ANGPT1: variants seen among roughly 807,000 people sequenced by gnomAD.
ANGPT1 encodes angiopoietin 1.
In ANGPT1, 17 loss-of-function variants were observed where a neutral mutation model predicts 62.2. The ratio of observed to expected loss-of-function variants is 0.27; its 90% confidence interval spans 0.19 to 0.41. ANGPT1 has a LOEUF of 0.41. ANGPT1 is among the 10% of genes least tolerant of loss of function. The probability of loss-of-function intolerance (pLI) is 1.00; values close to 1 mark genes in which losing one functional copy is unlikely to be tolerated. For synonymous variants in ANGPT1, 199 were observed against 198.9 expected, an observed-to-expected ratio of 1.00 and a Z score of 0.00; for missense variants, 478 against 594.9, an observed-to-expected ratio of 0.80 and a Z score of 2.04.
intron 3 of ANGPT1, among the ~76,000 whole-genome samples, chr8:107,328,133 TC>T (rs1213908720): frequency 3.3e-5 from 5 of 152,100 alleles, no homozygotes; most frequent in African/African-American, 1.2e-4. Context: ...TATAGAAACC[TC>T]ATTTTTATCT....
chr8:107,410,002 A>C (rs1817233386), intron 1 of ANGPT1, among the ~76,000 whole-genome samples: 1 of 152,016 alleles, frequency 6.6e-6, no homozygotes, highest in South Asian at 2.1e-4. Flanking sequence ...TCCAAGATTT[A>C]TTGAGCCAGA....
intron 1 of ANGPT1, among the ~76,000 whole-genome samples, chr8:107,479,399 T>G (rs1370055329): frequency 6.6e-6 from 1 of 152,184 alleles, no homozygotes; most frequent in Non-Finnish European, 1.5e-5. Context: ...TCAACCAATA[T>G]GTAATGTAAT....
At chr8:107,376,492 T>A (rs1303624637) in intron 1 of ANGPT1, among the ~76,000 whole-genome samples, 6 of 152,168 alleles carry the variant, frequency 3.9e-5, no homozygotes, top group Admixed American at 2.0e-4. Flanking sequence ...AAAGAACAGA[T>A]CTTACAAAGG....
intron 6 of ANGPT1, among the ~76,000 whole-genome samples, chr8:107,285,288 A>T (rs917887377): frequency 7.9e-5 from 12 of 152,186 alleles, no homozygotes; most frequent in Admixed American, 4.6e-4. Context: ...TATTATTCAC[A>T]AATGCAATTA....
intron 7 of ANGPT1, among the ~76,000 whole-genome samples, chr8:107,275,067 G>A (rs961528994): frequency 6.6e-6 from 1 of 152,078 alleles, no homozygotes; most frequent in Non-Finnish European, 1.5e-5. Context: ...TAGGCAAAGT[G>A]AATAAAATCT....
intron 1 of ANGPT1, among the ~76,000 whole-genome samples, chr8:107,361,546 AATATATGTATATATTATATAT>A (rs1816164442): frequency 3.7e-5 from 1 of 27,132 alleles, no homozygotes; most frequent in Non-Finnish European, 9.0e-5. Flanking sequence ...ATCAATATAG[AATATATGTATATATTATATAT>A]CAATATAGAA....
At chr8:107,268,717 A>G (rs1298645756) in intron 7 of ANGPT1, among the ~76,000 whole-genome samples, 1 of 152,104 alleles carries the variant, frequency 6.6e-6, no homozygotes, top group Admixed American at 6.6e-5. Context: ...TTAAAAAAGA[A>G]ATATTCTAAT....
At chr8:107,443,917 G>C (rs1216779805) in intron 1 of ANGPT1, among the ~76,000 whole-genome samples, 1 of 151,876 alleles carries the variant, frequency 6.6e-6, no homozygotes, top group African/African-American at 2.4e-5. Context: ...TTACCATGCA[G>C]ACAAACACAA....
At chr8:107,286,349 T>A (rs1379833596) in intron 6 of ANGPT1, among the ~76,000 whole-genome samples, 1 of 152,188 alleles carries the variant, frequency 6.6e-6, no homozygotes, top group Non-Finnish European at 1.5e-5. Context: ...AAACTTTTTT[T>A]AAAATTACGA....
chr8:107,422,487 G>A (rs1302689082), intron 1 of ANGPT1, among the ~76,000 whole-genome samples: 1 of 152,176 alleles, frequency 6.6e-6, no homozygotes, highest in Non-Finnish European at 1.5e-5. Flanking sequence ...TGGGACCCAT[G>A]ATACTTACCA....
rs2130062242 is a variant in ANGPT1 at position 107,321,954 on chromosome 8, C to T, written c.750G>A (p.Gln250=). Residue 250 remains glutamine, a synonymous_variant, in exon 4 of 9, where the codon CAG becomes CAA. Coordinates refer to ENST00000517746, the MANE Select transcript of ANGPT1 (RefSeq NM_001146.5). The part of the protein sequence containing the change: ...ATTNNSVLQK[Q]QLELMDTVHN... ...GGACTGTGTCCATCAGCTCCAGTTG[C>T]TGCTTCTGAAGGACACTGTTGTTGG... is the stretch of plus-strand genomic sequence containing the variant. The T allele has an allele frequency of 1.9e-6, 3 of 1,613,996 alleles. No homozygotes were observed. The highest frequency in any genetic ancestry group is 2.5e-6 in the Non-Finnish European group (3 of 1,179,886).
rs1170595416 is a variant in ANGPT1 at position 107,497,836 on chromosome 8, C to G, written c.-278G>C. 3.6e-6 allele frequency: 2 copies of G among 555,166 alleles called. No homozygotes were observed. Among genetic ancestry groups the G allele is most frequent in the Non-Finnish European group, 6.3e-6 (2 of 317,540 alleles). 34.4% of individuals were successfully genotyped at this position (555,166 alleles called of 1,614,324 possible). A position where few individuals can be genotyped will look rare whatever the true frequency, so the allele number is the denominator to read the frequency against. On this transcript the variant is annotated 5_prime_UTR_variant, in exon 1 of 9. Coordinates refer to ENST00000517746, the MANE Select transcript of ANGPT1 (RefSeq NM_001146.5). ...GATTTATTGTTTCCTCTCTGTGTGACCGTTCAGCATGGAGCCTGCCTGAGT... is the reference window on the plus strand; with the variant it reads ...GATTTATTGTTTCCTCTCTGTGTGAGCGTTCAGCATGGAGCCTGCCTGAGT...
intron 1 of ANGPT1, among the ~76,000 whole-genome samples, chr8:107,476,667 A>C (rs1478987158): frequency 2.0e-5 from 3 of 152,144 alleles, no homozygotes; most frequent in Non-Finnish European, 4.4e-5. Flanking sequence ...TGAGAATGGA[A>C]TCAATCTCAT....
rs1361885203 is a variant in ANGPT1, at chr8:107,370,296, GAAGA to G, written c.298-23203_298-23200del. Among the ~76,000 whole-genome samples, 20 of 78,062 alleles carry G rather than the reference GAAGA, an allele frequency of 2.6e-4. 1 individual carries two copies. Among genetic ancestry groups the G allele is most frequent in the African/African-American group, 8.9e-4 (19 of 21,382 alleles). The allele number at this position is 78,062 out of a possible 152,430, so 51.2% of individuals were successfully genotyped here. On this transcript the variant is annotated intron_variant, in intron 1 of 8. Transcript: ENST00000517746. ...GAAAGAAGAAAGAAAGAAAAGGAAA[GAAGA>G]AAGAAAGAAGGAAGGAAGGAAAGAG...
chr8:107,402,992 G>T (rs759010247), intron 1 of ANGPT1, among the ~76,000 whole-genome samples: 73 of 152,122 alleles, frequency 4.8e-4, no homozygotes, highest in Non-Finnish European at 8.1e-4. Context: ...CAGTTGAATT[G>T]CTTTTGGATA....
intron 7 of ANGPT1, among the ~76,000 whole-genome samples, chr8:107,268,923 A>T (rs1207619522): frequency 6.6e-6 from 1 of 152,138 alleles, no homozygotes; most frequent in Non-Finnish European, 1.5e-5. Context: ...CTTGTAATTT[A>T]CATGAAGTAG....
chr8:107,284,724 T>C lies in ANGPT1; in HGVS notation c.1163A>G (p.Gln388Arg), dbSNP rs2130136200. Residue 388 changes from glutamine to arginine, a missense_variant, in exon 7 of 9, where the codon CAG becomes CGG. Physicochemically the swap from Gln to Arg is conservative, Grantham distance 43 (BLOSUM62 1). Coordinates refer to ENST00000517746, the MANE Select transcript of ANGPT1 (RefSeq NM_001146.5). ...ATTTCCTATGTGGAATCTGTCATAC[T>C]GTGAATAGGCTCGGTTCCCTTCCCA... ...MDWEGNRAYS[Q>R]YDRFHIGNEK... 1 of 1,607,250 alleles carries C rather than the reference T, an allele frequency of 6.2e-7. No homozygotes were observed.
intron 1 of ANGPT1, among the ~76,000 whole-genome samples, chr8:107,349,425 G>A (rs780490041): frequency 3.3e-5 from 5 of 152,022 alleles, no homozygotes; most frequent in Non-Finnish European, 5.9e-5. Flanking sequence ...ATTTCAGGGA[G>A]GAAAACGTTA....
At chr8:107,341,736 C>T (rs907649293) in intron 2 of ANGPT1, among the ~76,000 whole-genome samples, 1 of 151,568 alleles carries the variant, frequency 6.6e-6, no homozygotes, top group African/African-American at 2.4e-5. Flanking sequence ...ACTTATATTA[C>T]AGACAGAGAA....
Sources: allele counts gnomAD v4.1 joint callset (sites outside exome capture counted in the v4.1 genomes callset), GRCh38; gene constraint gnomAD v4.1.1; transcripts MANE v1.5; gene names NCBI Gene and HGNC (gene_info 2026-07-23, HGNC 2026-07-21).